Variants in DDR2 observed in about 807,000 individuals in gnomAD.
DDR2 encodes discoidin domain-containing receptor 2.
A neutral mutation model predicts 94.9 loss-of-function variants in DDR2; 27 were observed. The ratio of observed to expected loss-of-function variants is 0.28; its 90% CI spans 0.21 to 0.39. DDR2 has a LOEUF of 0.39. DDR2 is among the 10% of genes least tolerant of loss of function. The pLI is 1.00. For missense variants in DDR2, 783 were observed against 1,076.0 expected (o/e 0.73, Z 3.81); for synonymous variants, 382 against 377.2 (o/e 1.01, Z -0.15).
chr1:162,660,629 C>T (rs1410779256), intron 2 of DDR2, among the ~76,000 whole-genome samples: 1 of 152,100 alleles, frequency 6.6e-6, no homozygotes, highest in African/African-American at 2.4e-5. Context: ...ATCAAACAAC[C>T]AGATCTTGAA....
At chr1:162,727,242 A>C (rs185392250) in intron 3 of DDR2, among the ~76,000 whole-genome samples, 3 of 114,218 alleles carry the variant, frequency 2.6e-5, no homozygotes, top group Non-Finnish European at 5.3e-5. Flanking sequence ...TGTAAATATA[A>C]ACATATATTT....
At chr1:162,779,317 TG>T in intron 17 of DDR2, among the ~76,000 whole-genome samples, 1 of 152,108 alleles carries the variant, frequency 6.6e-6, no homozygotes, top group Non-Finnish European at 1.5e-5. Context: ...AGCTTTTTTT[TG>T]GGTGGCTTAG....
chr1:162,638,622 C>G lies in DDR2; in HGVS notation c.-192+5991C>G, dbSNP rs572239018. On this transcript the variant is annotated intron_variant, in intron 1 of 17. Transcript: ENST00000367921. ...TCCTTGTGGGAGCCATACCAAAATG[C>G]CTTGCAGTACTGTAACTTCTCAGAG... Among the ~76,000 whole-genome samples, 5 of 152,192 alleles carry G rather than the reference C, an allele frequency of 3.3e-5. No individual in the cohort carries two copies. In the East Asian group the frequency reaches 9.7e-4, roughly 29 times the overall value.
intron 2 of DDR2, among the ~76,000 whole-genome samples, chr1:162,664,288 T>G (rs1257211459): frequency 6.6e-6 from 1 of 152,170 alleles, no homozygotes; most frequent in Non-Finnish European, 1.5e-5. Context: ...GTATATGTTT[T>G]ACCTATTAAA....
chr1:162,776,311 C>A lies in DDR2; in HGVS notation c.2224C>A (p.Arg742=), dbSNP rs374058699. 1 of 1,613,944 alleles carries A rather than the reference C, an allele frequency of 6.2e-7. No homozygotes were observed. The highest frequency in any genetic ancestry group is 8.5e-7 in the Non-Finnish European group (1 of 1,179,956). ...GAACCTGTACAGTGGTGACTATTAC[C>A]GGATCCAGGGCCGGGCAGTGCTCCC... is the stretch of plus-strand genomic sequence containing the variant. ...SRNLYSGDYY[R]IQGRAVLPIR... The change falls in exon 16 of 18, where the codon CGG becomes AGG. Residue 742 remains arginine, a synonymous_variant. Transcript: ENST00000367921.
chr1:162,745,658 C>A (rs1662818592), intron 3 of DDR2, among the ~76,000 whole-genome samples: 1 of 151,916 alleles, frequency 6.6e-6, no homozygotes, highest in Non-Finnish European at 1.5e-5. Flanking sequence ...TCCAGGCTCT[C>A]TATTCTGTCC....
Position 162,719,149 on chromosome 1 carries a change from ACAT to A in DDR2, c.82+5_82+7del, listed in dbSNP as rs1661297923. On this transcript the variant is annotated splice_donor_5th_base_variant and intron_variant, in intron 3 of 17. Coordinates refer to ENST00000367921, the MANE Select transcript of DDR2 (RefSeq NM_006182.4). The stretch of plus-strand genomic sequence containing the variant: ...GCAAAAGCTCAGGTTAATCCAGGTA[ACAT>A]GGCTATTACTCAGCTATATGCTAGA... 2 of 1,613,680 alleles carry A rather than the reference ACAT, an allele frequency of 1.2e-6. No individual in the cohort carries two copies. The highest frequency in any genetic ancestry group is 1.3e-5 in the African/African-American group (1 of 74,902).
intron 12 of DDR2, among the ~76,000 whole-genome samples, chr1:162,771,259 G>A (rs1044128954): frequency 1.3e-5 from 2 of 152,154 alleles, no homozygotes; most frequent in African/African-American, 4.8e-5. Context: ...ATCAACCTGA[G>A]GGACCCGAGT....
Position 162,740,485 on chromosome 1 carries a change from A to G in DDR2, c.83-12610A>G, listed in dbSNP as rs115751421. Among the ~76,000 whole-genome samples, 586 of 152,246 alleles carry G rather than the reference A, an allele frequency of 3.8e-3. 4 individuals are homozygous for G. Among genetic ancestry groups the G allele is most frequent in the African/African-American group, 0.013 (529 of 41,530 alleles). ...TGCATTTGCTGTTCCCCTTGCATAA[A>G]CCATCATCCCTGCAAGAGTCACCTG... On this transcript the variant is annotated intron_variant, in intron 3 of 17. Transcript: ENST00000367921.
intron 1 of DDR2, among the ~76,000 whole-genome samples, chr1:162,633,770 G>A (rs1305169848): frequency 6.6e-6 from 1 of 152,176 alleles, no homozygotes; most frequent in Admixed American, 6.5e-5. Context: ...GATGTCTATG[G>A]TTATATTTGT....
chr1:162,727,448 A>G lies in DDR2; in HGVS notation c.82+8303A>G, dbSNP rs190590201. On this transcript the variant is annotated intron_variant, in intron 3 of 17. Transcript: ENST00000367921. ...TATGTATGTATTTATGTATATATAG[A>G]TATATCTATATGTTCACATGTTACA... 2.8e-3 allele frequency among the ~76,000 whole-genome samples: 401 copies of G among 145,690 alleles called. 2 individuals are homozygous for G. The highest frequency in any genetic ancestry group is 9.4e-3 in the African/African-American group (379 of 40,168).
At chr1:162,755,021 G>T in intron 5 of DDR2, 135 bp from the exon 6 acceptor site, 1 of 1,454,674 alleles carries the variant, frequency 6.9e-7, no homozygotes, top group South Asian at 1.2e-5. Flanking sequence ...GAATATCAAG[G>T]CTGTGGGGAA....
At chr1:162,669,835 G>A (rs535193727) in intron 2 of DDR2, among the ~76,000 whole-genome samples, 1 of 152,312 alleles carries the variant, frequency 6.6e-6, no homozygotes, top group South Asian at 2.1e-4. Context: ...TTTAAAGAGA[G>A]ACAGCTGTAT....
intron 2 of DDR2, among the ~76,000 whole-genome samples, chr1:162,674,297 C>T (rs1571180199): frequency 6.6e-6 from 1 of 152,136 alleles, no homozygotes; most frequent in Non-Finnish European, 1.5e-5. Context: ...TTTCCCTCTC[C>T]CTCAATTCAG....
In DDR2 at chr1:162,780,411, T is replaced by A; in HGVS notation, c.*165T>A. The A allele has an allele frequency of 5.3e-6, 4 of 750,458 alleles. No homozygotes were observed. The highest frequency in any genetic ancestry group is 3.1e-5 in the East Asian group (1 of 32,242). The allele number at this position is 750,458 out of a possible 1,614,324, so 46.5% of individuals were successfully genotyped here. ...GTCACCCCCACTCCCTACCCCTGACTCATATACACTTTTTTTTTTTTTTAC... is the reference window on the plus strand; with the variant it reads ...GTCACCCCCACTCCCTACCCCTGACACATATACACTTTTTTTTTTTTTTAC... On this transcript the variant is annotated 3_prime_UTR_variant, in exon 18 of 18. Transcript: ENST00000367921.
At chr1:162,656,832 A>ATTTTTTT (rs1657989085) in intron 2 of DDR2, among the ~76,000 whole-genome samples, 1 of 18,392 alleles carries the variant, frequency 5.4e-5, no homozygotes, top group South Asian at 1.5e-3. Context: ...CTGCCACTGG[A>ATTTTTTT]GTTTTTTTTT....
intron 12 of DDR2, among the ~76,000 whole-genome samples, chr1:162,771,621 T>C (rs1647222318): frequency 6.6e-6 from 1 of 152,216 alleles, no homozygotes; most frequent in Admixed American, 6.5e-5. Flanking sequence ...AGATCATATG[T>C]CTTTAATCTG....
chr1:162,710,396 G>C (rs952813475), intron 2 of DDR2, among the ~76,000 whole-genome samples: 2 of 152,064 alleles, frequency 1.3e-5, no homozygotes, highest in African/African-American at 4.8e-5. Context: ...CACGAGGTTG[G>C]GACTCCCAGA....
chr1:162,654,032 AG>A (rs1342388573), intron 1 of DDR2, among the ~76,000 whole-genome samples: 4 of 152,128 alleles, frequency 2.6e-5, no homozygotes, highest in Admixed American at 2.0e-4. Context: ...AACAGATCAG[AG>A]GAAAGGAAAG....
Sources: gnomAD v4.1 joint callset for allele counts (sites outside exome capture counted in the v4.1 genomes callset) on GRCh38, gnomAD v4.1.1 for gene constraint, MANE v1.5 for transcripts, NCBI Gene and HGNC (gene_info 2026-07-23, HGNC 2026-07-21) for gene names.